Variants in CCDC192 observed in about 807,000 individuals in gnomAD.
The protein encoded by CCDC192 is coiled-coil domain containing 192, also known as coiled-coil domain-containing protein 192.
At chr5:127,770,556 G>C (rs1406675305) in intron 3 of CCDC192, among the ~76,000 whole-genome samples, 1 of 152,196 alleles carries the variant, frequency 6.6e-6, no homozygotes, top group Non-Finnish European at 1.5e-5. Context: ...GGTGACAACT[G>C]TAAGTGATTT....
At chr5:127,914,909 A>G (rs866331123) in intron 6 of CCDC192, among the ~76,000 whole-genome samples, 1 of 152,206 alleles carries the variant, frequency 6.6e-6, no homozygotes, top group African/African-American at 2.4e-5. Context: ...CCCAAGTTTG[A>G]ACATGAATTG....
In CCDC192 at chr5:127,736,905, A is replaced by G. The variant is rs1753040702; in HGVS notation, c.115-17363A>G. On this transcript the variant is annotated intron_variant, in intron 2 of 6. Transcript: ENST00000514853. ...GCTCCTGGATTCATTAATTTTTTGA[A>G]GGGTTTTTTGTGTCTCTATTTCCTT... Among the ~76,000 whole-genome samples the G allele has an allele frequency of 4.6e-5, 6 of 131,500 alleles. No individual in the cohort carries two copies. The South Asian group carries it at 1.4e-3, about 31-fold the overall frequency. 86.3% of individuals were successfully genotyped at this position (131,500 alleles called of 152,430 possible).
At chr5:127,882,985 C>G (rs138840324) in intron 6 of CCDC192, among the ~76,000 whole-genome samples, 19 of 152,296 alleles carry the variant, frequency 1.2e-4, no homozygotes, top group African/African-American at 4.6e-4. Flanking sequence ...ACCAGTCTAC[C>G]TAGGGTTTTC....
At chr5:127,910,525 A>G (rs906179106) in intron 6 of CCDC192, among the ~76,000 whole-genome samples, 3 of 152,214 alleles carry the variant, frequency 2.0e-5, no homozygotes, top group Non-Finnish European at 4.4e-5. Context: ...GTGTGTAGTT[A>G]GGGAAATCCA....
chr5:127,724,132 A>T (rs1752175964), intron 2 of CCDC192, among the ~76,000 whole-genome samples: 1 of 152,238 alleles, frequency 6.6e-6, no homozygotes, highest in African/African-American at 2.4e-5. Context: ...TTTATCACTT[A>T]CCATTTTTTC....
intron 6 of CCDC192, among the ~76,000 whole-genome samples, chr5:127,923,291 C>T (rs775196404): frequency 1.3e-5 from 2 of 152,092 alleles, no homozygotes; most frequent in African/African-American, 2.4e-5. Flanking sequence ...TCCTTGTGAA[C>T]GGAACTCCAA....
At chr5:127,854,907 A>G (rs541323923) in intron 5 of CCDC192, among the ~76,000 whole-genome samples, 2 of 152,386 alleles carry the variant, frequency 1.3e-5, no homozygotes, top group African/African-American at 2.4e-5. Context: ...CTTTTATAAC[A>G]ATGTAAACAT....
chr5:127,744,413 G>T (rs1678693987), intron 2 of CCDC192, among the ~76,000 whole-genome samples: 1 of 152,024 alleles, frequency 6.6e-6, no homozygotes, highest in African/African-American at 2.4e-5. Context: ...TATCAAACAG[G>T]ATATTTGTAA....
chr5:127,837,253 C>T (rs1750068300), intron 5 of CCDC192, among the ~76,000 whole-genome samples: 1 of 81,662 alleles, frequency 1.2e-5, no homozygotes, highest in South Asian at 3.3e-4. Flanking sequence ...TAAACACATA[C>T]ACAAGACTGG....
chr5:127,784,790 A>T (rs966819807), intron 3 of CCDC192: 1 of 487,122 alleles, frequency 2.1e-6, no homozygotes, highest in Admixed American at 2.5e-5. Flanking sequence ...CATCTTCATG[A>T]TTCTCATGAT....
intron 2 of CCDC192, among the ~76,000 whole-genome samples, chr5:127,733,202 T>A (rs1178682751): frequency 6.6e-6 from 1 of 152,106 alleles, no homozygotes; most frequent in Non-Finnish European, 1.5e-5. Context: ...TATATTCACA[T>A]AAAGCCAAGA....
chr5:127,828,760 G>C (rs1219667260), intron 5 of CCDC192, among the ~76,000 whole-genome samples: 1 of 152,164 alleles, frequency 6.6e-6, no homozygotes, highest in Non-Finnish European at 1.5e-5. Flanking sequence ...ATAGAGGTGA[G>C]AACATCAAGG....
At chr5:127,932,498 C>T (rs892658500) in intron 6 of CCDC192, among the ~76,000 whole-genome samples, 1 of 152,096 alleles carries the variant, frequency 6.6e-6, no homozygotes, top group Non-Finnish European at 1.5e-5. Flanking sequence ...GCCACCATGC[C>T]CGGCCACCAG....
intron 5 of CCDC192, among the ~76,000 whole-genome samples, chr5:127,814,186 G>A (rs541057289): frequency 1.3e-5 from 2 of 152,352 alleles, no homozygotes; most frequent in Admixed American, 1.3e-4. Context: ...AAGGGCAGGA[G>A]TGGGAGCAGG....
chr5:127,907,693 T>C (rs1753238150), intron 6 of CCDC192, among the ~76,000 whole-genome samples: 1 of 152,240 alleles, frequency 6.6e-6, no homozygotes, highest in South Asian at 2.1e-4. Context: ...TATATCTGTC[T>C]GTTACCAGTG....
intron 3 of CCDC192, among the ~76,000 whole-genome samples, chr5:127,763,963 C>G (rs1755072193): frequency 5.3e-5 from 8 of 152,078 alleles, no homozygotes; most frequent in Admixed American, 5.2e-4. Flanking sequence ...GTTAGATGTC[C>G]TTAGGTGCTT....
At chr5:127,888,126 G>C (rs944705936) in intron 6 of CCDC192, among the ~76,000 whole-genome samples, 47 of 151,856 alleles carry the variant, frequency 3.1e-4, no homozygotes, top group African/African-American at 9.9e-4. Context: ...AGATCTAAAA[G>C]TCAGGACAGC....
At chr5:127,751,869 C>T (rs1754196908) in intron 2 of CCDC192, among the ~76,000 whole-genome samples, 1 of 152,128 alleles carries the variant, frequency 6.6e-6, no homozygotes, top group African/African-American at 2.4e-5. Context: ...TTCATTTCTT[C>T]TTCCATTGCT....
chr5:127,847,852 A>ATACATAC (rs1750629174), intron 5 of CCDC192, among the ~76,000 whole-genome samples: 1 of 151,168 alleles, frequency 6.6e-6, no homozygotes, highest in Non-Finnish European at 1.5e-5. Context: ...TAAATAAATA[A>ATACATAC]ATACATAAAT....
Sources: allele counts gnomAD v4.1 joint callset (sites outside exome capture counted in the v4.1 genomes callset), GRCh38; gene constraint gnomAD v4.1.1; transcripts MANE v1.5; gene names NCBI Gene and HGNC (gene_info 2026-07-23, HGNC 2026-07-21).